Variants in PREX1 observed in about 807,000 individuals in gnomAD.
PREX1 encodes phosphatidylinositol 3,4,5-trisphosphate-dependent Rac exchanger 1 protein.
A neutral mutation model predicts 198.3 loss-of-function variants in PREX1; 41 were observed. The observed-to-expected ratio is 0.21, with a 90% CI of 0.16 to 0.27. The LOEUF is 0.27. Among genes scored for constraint, PREX1 ranks in the 10% least tolerant of loss-of-function variants. The pLI, the probability that PREX1 is intolerant of heterozygous loss-of-function variation, is 1.00. For synonymous variants in PREX1, 843 were observed against 887.2 expected, an observed-to-expected ratio of 0.95 and a Z score of 0.89; for missense variants, 1,620 against 2,200.7, an observed-to-expected ratio of 0.74 and a Z score of 5.28.
intron 4 of PREX1, among the ~76,000 whole-genome samples, chr20:48,733,906 A>G (rs1483595334): frequency 6.6e-6 from 1 of 152,004 alleles, no homozygotes; most frequent in Non-Finnish European, 1.5e-5. Flanking sequence ...ACATGCCGCC[A>G]CGCCCAGTTA....
In PREX1 at chr20:48,827,892, C is replaced by A; in HGVS notation, c.-32G>T. 1.1e-6 allele frequency: 1 copy of A among 940,894 alleles called. No homozygotes were observed. The highest frequency in any genetic ancestry group is 1.3e-6 in the Non-Finnish European group (1 of 792,216). The allele number at this position is 940,894 out of a possible 1,614,324, so 58.3% of individuals were successfully genotyped here. ...GCGGCCGCGCGGCGCCGGCTCCTTC[C>A]GTCGCGCCGAGCGGCAACTCAGGCG... On this transcript the variant is annotated 5_prime_UTR_variant, in exon 1 of 40. Transcript: ENST00000371941. The surrounding 1 kb of genome is among the most constrained non-coding windows in gnomAD (Gnocchi z 4.1).
chr20:48,848,285 C>T, the PREX1 span, among the ~76,000 whole-genome samples: 2 of 148,668 alleles, frequency 1.3e-5, no homozygotes, highest in East Asian at 1.9e-4. Context: ...GACAAGCTCT[C>T]GTTCTGTTAT....
intron 16 of PREX1, 75 bp downstream of exon 16, chr20:48,659,844 C>T (rs1309129974): frequency 2.3e-5 from 36 of 1,599,014 alleles, no homozygotes; most frequent in Non-Finnish European, 3.4e-6. Context: ...CTGTGCATAA[C>T]CAGAAGGTCG....
chr20:48,680,274 C>T (rs1169655655), intron 11 of PREX1, among the ~76,000 whole-genome samples: 2 of 152,154 alleles, frequency 1.3e-5, no homozygotes, highest in East Asian at 1.9e-4. Context: ...TACACTGGCC[C>T]GAACCACCTT....
intron 1 of PREX1, among the ~76,000 whole-genome samples, chr20:48,753,376 G>A (rs1204451196): frequency 6.6e-6 from 1 of 152,122 alleles, no homozygotes; most frequent in East Asian, 1.9e-4. Flanking sequence ...GAGCCCAGTG[G>A]TTCTCAACTT....
At chr20:48,726,600 A>C (rs1601099273) in intron 4 of PREX1, among the ~76,000 whole-genome samples, 1 of 152,240 alleles carries the variant, frequency 6.6e-6, no homozygotes, top group East Asian at 1.9e-4. Flanking sequence ...GGTAAGTTTT[A>C]TTAGAAACAC....
Position 48,726,329 on chromosome 20 carries a change from A to C in PREX1, c.582T>G (p.Ser194=). The C allele has an allele frequency of 6.2e-7, 1 of 1,613,954 alleles. No individual in the cohort carries two copies. The highest frequency in any genetic ancestry group is 8.5e-7 in the Non-Finnish European group (1 of 1,179,966). ...TDIPLEGYLL[S]PIQRICKYPL... is the part of the protein sequence containing the mutation. ...GGTACTTGCAGATCCTCTGGATCGG[A>C]GACAACAGGTAGCCTTCCAAAGGGA... Residue 194 remains serine, a synonymous_variant, in exon 5 of 40, where the codon TCT becomes TCG. Coordinates refer to ENST00000371941, the MANE Select transcript of PREX1 (RefSeq NM_020820.4).
chr20:48,645,349 T>C (rs1056339396), intron 26 of PREX1, among the ~76,000 whole-genome samples: 1 of 152,216 alleles, frequency 6.6e-6, no homozygotes, highest in Non-Finnish European at 1.5e-5. Flanking sequence ...TTATATGGCT[T>C]ATTACAGGAA....
chr20:48,813,429 A>C (rs1408368546), intron 1 of PREX1, among the ~76,000 whole-genome samples: 1 of 152,106 alleles, frequency 6.6e-6, no homozygotes, highest in Non-Finnish European at 1.5e-5. Context: ...GGGCGAGGAG[A>C]TGGGTATAGG....
intron 29 of PREX1, among the ~76,000 whole-genome samples, chr20:48,641,484 G>A (rs1245030964): frequency 1.3e-5 from 2 of 151,966 alleles, no homozygotes; most frequent in African/African-American, 4.8e-5. Context: ...AAATGAGTAT[G>A]GTTTAAAAGA....
chr20:48,699,831 A>G (rs1324825063), intron 7 of PREX1, among the ~76,000 whole-genome samples: 1 of 152,178 alleles, frequency 6.6e-6, no homozygotes, highest in Non-Finnish European at 1.5e-5. Context: ...AACTGCCTGA[A>G]TATCCACACA....
chr20:48,852,374 C>G, the PREX1 span, among the ~76,000 whole-genome samples: 26 of 151,994 alleles, frequency 1.7e-4, no homozygotes, highest in African/African-American at 5.3e-4. Context: ...CAAGATCCTC[C>G]CAAAATGCTT....
chr20:48,692,786 T>C lies in PREX1; in HGVS notation c.922A>G (p.Thr308Ala). ...CTCTTGGTGGACTTCTTGCTCCCGG[T>C]GACCCTGATAGACAGTGAGAAGTCA... ...LVYCKRKSRV[T>A]GSKKSTKRTK... The change falls in exon 8 of 40, where the codon ACC (threonine) becomes GCC (alanine). Residue 308 changes from threonine (T) to alanine (A), a missense_variant. By Grantham distance (58) the Thr-to-Ala change is moderately conservative. This residue lies in a region of PREX1 where 488 missense variants were observed against 802.5 expected (regional missense o/e 0.61). Transcript: ENST00000371941. The C allele has an allele frequency of 6.2e-7, 1 of 1,613,612 alleles. No homozygotes were observed. Among genetic ancestry groups the C allele is most frequent in the Non-Finnish European group, 8.5e-7 (1 of 1,179,654 alleles).
intron 1 of PREX1, among the ~76,000 whole-genome samples, chr20:48,754,819 G>A (rs936736647): frequency 7.2e-5 from 11 of 152,134 alleles, no homozygotes; most frequent in African/African-American, 2.7e-4. Context: ...TCATGGAACA[G>A]CAAGGGCCTT....
intron 21 of PREX1, 151 bp from the exon 22 acceptor site, chr20:48,651,734 G>A (rs1029900669): frequency 9.6e-6 from 7 of 727,922 alleles, no homozygotes; most frequent in Admixed American, 2.9e-5. Context: ...GTAGAGAGGC[G>A]AGTGGGGAAG....
the PREX1 span, among the ~76,000 whole-genome samples, chr20:48,845,264 C>T: frequency 6.6e-6 from 1 of 152,156 alleles, no homozygotes; most frequent in Non-Finnish European, 1.5e-5. Context: ...TAACTGACAG[C>T]AGCTAAGAAA....
At chr20:48,740,142 A>T (rs1430685788) in intron 3 of PREX1, among the ~76,000 whole-genome samples, 1 of 152,088 alleles carries the variant, frequency 6.6e-6, no homozygotes, top group Non-Finnish European at 1.5e-5. Flanking sequence ...CCCGATTAGC[A>T]TCTCACCAGC....
intron 1 of PREX1, among the ~76,000 whole-genome samples, chr20:48,779,714 A>G (rs573818132): frequency 2.0e-5 from 3 of 152,332 alleles, no homozygotes; most frequent in African/African-American, 7.2e-5. Context: ...ATGAATCTCA[A>G]AGGCTTTATG....
At chr20:48,815,327 A>G (rs2090454515) in intron 1 of PREX1, among the ~76,000 whole-genome samples, 1 of 152,234 alleles carries the variant, frequency 6.6e-6, no homozygotes, top group Admixed American at 6.5e-5. Context: ...CGACAGCAGA[A>G]GACACATTCT....
Sources: gnomAD v4.1 joint callset for allele counts (sites outside exome capture counted in the v4.1 genomes callset) on GRCh38, gnomAD v4.1.1 for gene constraint, gnomAD v4.1.1 regional missense constraint, Gnocchi (gnomAD v3.1) non-coding constraint, MANE v1.5 for transcripts, NCBI Gene and HGNC (gene_info 2026-07-23, HGNC 2026-07-21) for gene names.